Variants in WASF3 observed in about 807,000 individuals in gnomAD.
WASF3 encodes the protein actin-binding protein WASF3.
Under a neutral mutation model 46.6 loss-of-function variants are expected in WASF3, and 11 were observed. The observed-to-expected ratio is 0.24, with a 90% CI of 0.15 to 0.39. WASF3 has a LOEUF of 0.39. Among genes scored for constraint, WASF3 ranks in the 10% least tolerant of loss-of-function variants. The probability of loss-of-function intolerance (pLI) is 1.00; values close to 1 mark genes in which losing one functional copy is unlikely to be tolerated. For missense variants in WASF3, 576 were observed against 669.8 expected (o/e 0.86, Z 1.55); for synonymous variants, 242 against 259.7 (o/e 0.93, Z 0.65).
chr13:26,646,328 A>T (rs1050026297), intron 3 of WASF3, among the ~76,000 whole-genome samples: 1 of 152,388 alleles, frequency 6.6e-6, no homozygotes, highest in Non-Finnish European at 1.5e-5. Context: ...GTAATCATTC[A>T]TCAGGTATTT....
intron 1 of WASF3, among the ~76,000 whole-genome samples, chr13:26,566,467 G>T (rs1879468072): frequency 6.6e-6 from 1 of 152,204 alleles, no homozygotes; most frequent in Non-Finnish European, 1.5e-5. Flanking sequence ...AGTCTCCGTG[G>T]TCAGTGTCTT....
At chr13:26,594,484 A>G (rs141151827) in intron 1 of WASF3, among the ~76,000 whole-genome samples, 2 of 152,262 alleles carry the variant, frequency 1.3e-5, no homozygotes, top group African/African-American at 4.8e-5. Context: ...GCTAACTTGT[A>G]TATGCCCTTT....
chr13:26,655,363 G>A (rs1882436567), intron 3 of WASF3, among the ~76,000 whole-genome samples: 2 of 152,164 alleles, frequency 1.3e-5, no homozygotes, highest in Non-Finnish European at 2.9e-5. Context: ...ATCACACGGT[G>A]ATGATGTGTT....
At chr13:26,612,406 G>C (rs919714306) in intron 1 of WASF3, among the ~76,000 whole-genome samples, 25 of 152,316 alleles carry the variant, frequency 1.6e-4, no homozygotes, top group South Asian at 6.2e-4. Context: ...TAGCATTGCT[G>C]TTAATGTCCA....
intron 1 of WASF3, among the ~76,000 whole-genome samples, chr13:26,604,439 G>C (rs1041088278): frequency 6.6e-6 from 1 of 152,178 alleles, no homozygotes; most frequent in African/African-American, 2.4e-5. Flanking sequence ...TCAGGCGGCT[G>C]TTTTTAAGTA....
upstream of WASF3, among the ~76,000 whole-genome samples, chr13:26,554,083 C>CTT (rs1566032431): frequency 2.7e-5 from 3 of 109,200 alleles, no homozygotes; most frequent in East Asian, 2.7e-4. Context: ...TTCCTTCCTT[C>CTT]CTTCCTTCCT....
chr13:26,543,647 C>G, the WASF3 span, among the ~76,000 whole-genome samples: 3 of 152,066 alleles, frequency 2.0e-5, no homozygotes, highest in African/African-American at 7.2e-5. Context: ...GCCCTTATTG[C>G]CTTCACAGGG....
intron 1 of WASF3, among the ~76,000 whole-genome samples, chr13:26,558,153 C>T (rs1338284962): frequency 6.6e-6 from 1 of 151,842 alleles, no homozygotes; most frequent in African/African-American, 2.4e-5. Flanking sequence ...GACAGCCACC[C>T]GCCCTCCCCG....
intron 3 of WASF3, among the ~76,000 whole-genome samples, chr13:26,652,529 T>C (rs1882343443): frequency 6.6e-6 from 1 of 152,214 alleles, no homozygotes; most frequent in African/African-American, 2.4e-5. Context: ...TAATTCATCT[T>C]TGTATACCAA....
chr13:26,637,786 C>T (rs1350830698), intron 2 of WASF3, among the ~76,000 whole-genome samples: 1 of 152,220 alleles, frequency 6.6e-6, no homozygotes, highest in Admixed American at 6.5e-5. Flanking sequence ...CCAGGGACTA[C>T]CCTCCTATCA....
upstream of WASF3, among the ~76,000 whole-genome samples, chr13:26,554,744 A>G (rs764676585): frequency 3.3e-5 from 5 of 152,224 alleles, no homozygotes; most frequent in Admixed American, 6.5e-5. Flanking sequence ...TTTATCATGA[A>G]ATAACATTCA....
At chr13:26,665,498 G>C (rs1169730789) in intron 4 of WASF3, among the ~76,000 whole-genome samples, 2 of 152,130 alleles carry the variant, frequency 1.3e-5, no homozygotes, top group Non-Finnish European at 2.9e-5. Context: ...AAAACTTACA[G>C]AGCCACTCTA....
intron 1 of WASF3, among the ~76,000 whole-genome samples, chr13:26,559,170 C>T (rs1879200957): frequency 6.6e-6 from 1 of 152,204 alleles, no homozygotes; most frequent in Non-Finnish European, 1.5e-5. Flanking sequence ...TCCCTTCTCC[C>T]AGGGTTCTAA....
rs145147553 is a variant in WASF3 at position 26,681,257 on chromosome 13, C to T, written c.920C>T (p.Pro307Leu). The T allele has an allele frequency of 1.4e-4, 229 of 1,613,268 alleles. No individual in the cohort carries two copies. The highest frequency in any genetic ancestry group is 1.6e-4 in the Middle Eastern group (1 of 6,082). Reference protein sequence around the residue: ...ALNRPQQPPPPPPPQAPEGSQ... With the variant: ...ALNRPQQPPPLPPPQAPEGSQ... Reference sequence around the variant, plus strand: ...AACAGACCTCAGCAGCCGCCCCCCCCGCCTCCCCCTCAGGCCCCAGAGGGG... The same window carrying T: ...AACAGACCTCAGCAGCCGCCCCCCCTGCCTCCCCCTCAGGCCCCAGAGGGG... Residue 307 changes from proline (P) to leucine (L), a missense_variant, in exon 8 of 10, where the codon CCG becomes CTG. Pro to Leu is a moderately conservative substitution (Grantham distance 98, BLOSUM62 -3). Coordinates refer to ENST00000335327, the MANE Select transcript of WASF3 (RefSeq NM_006646.6).
At chr13:26,540,232 T>C in the WASF3 span, among the ~76,000 whole-genome samples, 1 of 152,140 alleles carries the variant, frequency 6.6e-6, no homozygotes, top group Non-Finnish European at 1.5e-5. Context: ...TTTAATATTA[T>C]AATTACCACC....
At position 26,578,177 on chromosome 13, in the gene WASF3, A is replaced by G. The variant is rs183475068; in HGVS notation, c.-109+20358A>G. ...TAGAACTTCCTTTAGAATATTGCGT[A>G]GAAATTATAAGATTAGATATTCCTC... On this transcript the variant is annotated intron_variant, in intron 1 of 9. Transcript: ENST00000335327. Among the ~76,000 whole-genome samples the G allele has an allele frequency of 5.9e-5, 9 of 152,266 alleles. No homozygotes were observed. In the East Asian group the frequency reaches 1.7e-3, roughly 29 times the overall value.
At chr13:26,585,096 T>TAA (rs35542854) in intron 1 of WASF3, among the ~76,000 whole-genome samples, 11,148 of 143,504 alleles carry the variant, frequency 0.078, 543 homozygotes, top group Admixed American at 0.16. Context: ...AAGAAAAATG[T>TAA]AAAAAAAAAA....
intron 2 of WASF3, among the ~76,000 whole-genome samples, chr13:26,624,377 C>T (rs1306184688): frequency 6.6e-6 from 1 of 151,894 alleles, no homozygotes; most frequent in Non-Finnish European, 1.5e-5. Context: ...TAAAAAGGAA[C>T]AGTGAAACAA....
At chr13:26,629,352 A>G (rs1313159282) in intron 2 of WASF3, among the ~76,000 whole-genome samples, 1 of 150,002 alleles carries the variant, frequency 6.7e-6, no homozygotes, top group Non-Finnish European at 1.5e-5. Flanking sequence ...TTTTTATTTC[A>G]GTACCTTGAC....
Sources: allele counts gnomAD v4.1 joint callset (sites outside exome capture counted in the v4.1 genomes callset), GRCh38; gene constraint gnomAD v4.1.1; transcripts MANE v1.5; gene names NCBI Gene and HGNC (gene_info 2026-07-23, HGNC 2026-07-21).